RHPN2: variants seen among roughly 807,000 people sequenced by gnomAD.
The protein encoded by RHPN2 is rhophilin-2.
RHPN2 carries 40 observed loss-of-function variants against 79.0 expected under a neutral mutation model. The ratio of observed to expected loss-of-function variants is 0.51; its 90% CI spans 0.39 to 0.66. The LOEUF is 0.66. Among genes scored for constraint, RHPN2 ranks in the 30% least tolerant of loss-of-function variants. RHPN2 has a pLI of 0.00. For missense variants in RHPN2, 686 were observed against 883.5 expected (o/e 0.78, Z 2.83); for synonymous variants, 285 against 363.5 (o/e 0.78, Z 2.46).
At chr19:33,061,911 G>A (rs1321080922) in intron 1 of RHPN2, among the ~76,000 whole-genome samples, 1 of 151,768 alleles carries the variant, frequency 6.6e-6, no homozygotes, top group Non-Finnish European at 1.5e-5. Context: ...CAAGAGATCC[G>A]CCTGCCTCGG....
intron 14 of RHPN2, among the ~76,000 whole-genome samples, chr19:32,981,844 A>G (rs1326480007): frequency 1.3e-5 from 2 of 151,510 alleles, no homozygotes; most frequent in Admixed American, 1.3e-4. Flanking sequence ...ATCCATCTCT[A>G]AAACTTTTTC....
chr19:33,037,977 A>G (rs1972072014), intron 2 of RHPN2, among the ~76,000 whole-genome samples: 1 of 152,114 alleles, frequency 6.6e-6, no homozygotes, highest in Non-Finnish European at 1.5e-5. Flanking sequence ...CCTAGGCACG[A>G]GGATTGCTTG....
intron 10 of RHPN2, among the ~76,000 whole-genome samples, chr19:32,999,183 A>G (rs3892705): frequency 0.2 from 30,521 of 151,920 alleles, 3,144 homozygotes; most frequent in Middle Eastern, 0.28. Flanking sequence ...AGGTCTGCAC[A>G]TGGGAAGAGA....
In RHPN2 at chr19:33,012,686, T is replaced by A. The variant is rs746891591; in HGVS notation, c.429A>T (p.Leu143Phe). 1.2e-6 allele frequency: 2 copies of A among 1,607,080 alleles called. No homozygotes were observed. The highest frequency in any genetic ancestry group is 2.2e-5 in the South Asian group (2 of 90,928). Reference protein sequence around the residue: ...ILEHYSEDGYLYEDEIADLMD... With the variant: ...ILEHYSEDGYFYEDEIADLMD... The stretch of plus-strand genomic sequence containing the variant: ...TAAGATCTGCAATTTCATCTTCATA[T>A]AAATAGCCATCTTCACTGTAATGTT... The change falls in exon 5 of 15, where the codon TTA becomes TTT. Residue 143 changes from leucine (L) to phenylalanine (F), a missense_variant. Physicochemically the swap from Leu to Phe is conservative, Grantham distance 22. Transcript: ENST00000254260.
intron 14 of RHPN2, among the ~76,000 whole-genome samples, chr19:32,982,748 AGGGCCTGTATCT>A (rs1165426179): frequency 6.6e-5 from 10 of 151,848 alleles, no homozygotes; most frequent in African/African-American, 2.4e-4. Flanking sequence ...TGCCTCCCCT[AGGGCCTGTATCT>A]GAAAGGTTGT....
chr19:33,012,785 T>C (rs1205775736), intron 4 of RHPN2, 61 bp from the exon 5 acceptor site: 1 of 913,484 alleles, frequency 1.1e-6, no homozygotes, highest in Non-Finnish European at 1.8e-6. Context: ...GTGTGCATAA[T>C]AGTAATATGT....
chr19:33,024,572 C>T (rs766855878), intron 3 of RHPN2, among the ~76,000 whole-genome samples: 7 of 152,250 alleles, frequency 4.6e-5, no homozygotes, highest in Non-Finnish European at 8.8e-5. Flanking sequence ...ACCCCGGTGC[C>T]CTGCAGAGGA....
intron 4 of RHPN2, among the ~76,000 whole-genome samples, chr19:33,018,329 A>AG (rs1373882688): frequency 7.4e-5 from 11 of 148,452 alleles, no homozygotes; most frequent in Middle Eastern, 3.5e-3. Flanking sequence ...ACTGTGTCTC[A>AG]AAAAAAAAAG....
Position 33,041,257 on chromosome 19 carries a change from C to G in RHPN2, c.185+2992G>C, listed in dbSNP as rs576758180. The stretch of plus-strand genomic sequence containing the variant: ...GGGCTGCGGTAGGAAACCTGGGAAC[C>G]AGAAGACAAACAGAAGGAAAGCAGG... On this transcript the variant is annotated intron_variant, in intron 2 of 14. Coordinates refer to ENST00000254260, the MANE Select transcript of RHPN2 (RefSeq NM_033103.5). Among the ~76,000 whole-genome samples, 5 of 152,206 alleles carry G rather than the reference C, an allele frequency of 3.3e-5. No individual in the cohort carries two copies. The East Asian group carries it at 5.8e-4, about 18-fold the overall frequency.
In RHPN2 at chr19:33,002,926, G is replaced by A; in HGVS notation, c.835C>T (p.Leu279Phe). The change falls in exon 8 of 15, where the codon CTC (leucine) becomes TTC (phenylalanine). Residue 279 changes from leucine to phenylalanine, a missense_variant. Transcript: ENST00000254260. ...YDMSPAMLSVLVKMMLAQAQE... is the reference protein window; with the variant it reads ...YDMSPAMLSVFVKMMLAQAQE... ...GCTTGTGCAAGCATCATTTTGACGAGCACGCTGAGCATGGCAGGGCTCATG... is the reference window on the plus strand; with the variant it reads ...GCTTGTGCAAGCATCATTTTGACGAACACGCTGAGCATGGCAGGGCTCATG... 1 of 1,613,966 alleles carries A rather than the reference G, an allele frequency of 6.2e-7. No individual in the cohort carries two copies. Among genetic ancestry groups the A allele is most frequent in the Non-Finnish European group, 8.5e-7 (1 of 1,179,864 alleles).
chr19:33,056,062 G>C (rs1202565446), intron 1 of RHPN2, among the ~76,000 whole-genome samples: 1 of 151,070 alleles, frequency 6.6e-6, no homozygotes, highest in African/African-American at 2.4e-5. Context: ...CTGGGGAAAG[G>C]CTTTCTCTAG....
intron 2 of RHPN2, among the ~76,000 whole-genome samples, chr19:33,043,268 A>G (rs11084698): frequency 0.39 from 59,161 of 151,776 alleles, 15,323 homozygotes; most frequent in African/African-American, 0.71. Context: ...AGGTGGCATG[A>G]CGCCAGACGC....
At chr19:33,000,947 G>C (rs1214493600) in intron 9 of RHPN2, among the ~76,000 whole-genome samples, 1 of 152,060 alleles carries the variant, frequency 6.6e-6, no homozygotes, top group Non-Finnish European at 1.5e-5. Flanking sequence ...TCACCTAATA[G>C]ACTATATAGT....
rs895826041 is a variant in RHPN2, at chr19:33,035,854, C to T, written c.185+8395G>A. Among the ~76,000 whole-genome samples the T allele has an allele frequency of 9.2e-5, 14 of 152,148 alleles. 1 individual carries two copies. The highest frequency in any genetic ancestry group is 6.2e-4 in the South Asian group (3 of 4,832). ...ATATCGGGCCGGGCGCCATGGCTCA[C>T]GCCTATAATCCCAGCACTTTGGGAG... On this transcript the variant is annotated intron_variant, in intron 2 of 14. Coordinates refer to ENST00000254260, the MANE Select transcript of RHPN2 (RefSeq NM_033103.5).
intron 3 of RHPN2, among the ~76,000 whole-genome samples, chr19:33,025,713 A>C (rs1457162696): frequency 1.3e-5 from 2 of 152,224 alleles, no homozygotes; most frequent in African/African-American, 4.8e-5. Flanking sequence ...CAAATAAATG[A>C]GGAAATAATT....
At chr19:32,995,020 G>C (rs1971689642) in intron 11 of RHPN2, among the ~76,000 whole-genome samples, 1 of 152,068 alleles carries the variant, frequency 6.6e-6, no homozygotes, top group Non-Finnish European at 1.5e-5. Flanking sequence ...TTGTTGTTAT[G>C]GAAGTTCCAT....
At chr19:33,033,913 C>T (rs986056492) in intron 2 of RHPN2, among the ~76,000 whole-genome samples, 1 of 151,848 alleles carries the variant, frequency 6.6e-6, no homozygotes, top group Admixed American at 6.6e-5. Context: ...AAAACTGAGA[C>T]CCTAAGAACC....
intron 3 of RHPN2, among the ~76,000 whole-genome samples, chr19:33,023,888 G>A (rs1471426459): frequency 6.6e-6 from 1 of 152,114 alleles, no homozygotes; most frequent in African/African-American, 2.4e-5. Flanking sequence ...ATGACACAGG[G>A]CAGTGACTGG....
chr19:33,036,870 G>GCCC (rs199550754), intron 2 of RHPN2, among the ~76,000 whole-genome samples: 2,239 of 140,650 alleles, frequency 0.016, 77 homozygotes, highest in African/African-American at 0.061. Context: ...CCATGCCTGA[G>GCCC]CCCCCCCGCC....
Sources: gnomAD v4.1 joint callset for allele counts (sites outside exome capture counted in the v4.1 genomes callset) on GRCh38, gnomAD v4.1.1 for gene constraint, MANE v1.5 for transcripts, NCBI Gene and HGNC (gene_info 2026-07-23, HGNC 2026-07-21) for gene names.